The following QTMAN variants were observed in gnomAD, a reference collection of about 807,000 sequenced individuals.
The protein encoded by QTMAN is tRNA-queuosine alpha-mannosyltransferase.
chr2:144,183,337 T>C, the QTMAN span, among the ~76,000 whole-genome samples: 1 of 152,136 alleles, frequency 6.6e-6, no homozygotes, highest in Non-Finnish European at 1.5e-5. Flanking sequence ...TGTCTCCCCA[T>C]CTGTCTATGT....
the QTMAN span, among the ~76,000 whole-genome samples, chr2:143,962,916 G>T: frequency 9.9e-5 from 15 of 152,140 alleles, no homozygotes; most frequent in Admixed American, 9.8e-4. Context: ...CCCCACAAGT[G>T]GGCTAGTCTT....
At chr2:144,237,551 C>T in the QTMAN span, among the ~76,000 whole-genome samples, 1 of 152,126 alleles carries the variant, frequency 6.6e-6, no homozygotes, top group Non-Finnish European at 1.5e-5. Context: ...ACTGTGTACC[C>T]TTAATATAAA....
the QTMAN span, among the ~76,000 whole-genome samples, chr2:144,209,024 A>T: frequency 1.1e-4 from 16 of 152,140 alleles, no homozygotes; most frequent in Admixed American, 7.2e-4. Context: ...TATTTTTCTG[A>T]TTTGTTTTCC....
chr2:144,106,745 A>G, the QTMAN span, among the ~76,000 whole-genome samples: 1 of 152,224 alleles, frequency 6.6e-6, no homozygotes, highest in East Asian at 1.9e-4. Flanking sequence ...TCAGCTCTGC[A>G]CCAAGTGGAC....
chr2:144,296,407 G>A, the QTMAN span, among the ~76,000 whole-genome samples: 1 of 152,080 alleles, frequency 6.6e-6, no homozygotes, highest in South Asian at 2.1e-4. Flanking sequence ...TGTATACAGG[G>A]ACATTTAGTG....
At chr2:144,100,405 A>C in the QTMAN span, among the ~76,000 whole-genome samples, 3 of 152,348 alleles carry the variant, frequency 2.0e-5, no homozygotes, top group Admixed American at 2.0e-4. Flanking sequence ...CCCTGTTCAC[A>C]GTAAATTAAG....
At chr2:144,007,270 T>G in the QTMAN span, 1 of 1,613,308 alleles carries the variant, frequency 6.2e-7, no homozygotes. Flanking sequence ...AGATTTTGTT[T>G]ATTTTCACCA....
At chr2:144,284,931 A>G in the QTMAN span, among the ~76,000 whole-genome samples, 76 of 148,808 alleles carry the variant, frequency 5.1e-4, no homozygotes, top group Admixed American at 1.8e-3. Context: ...TGGGAGGCCA[A>G]ACTTTTTTTT....
At chr2:144,181,463 A>C in the QTMAN span, among the ~76,000 whole-genome samples, 1 of 152,248 alleles carries the variant, frequency 6.6e-6, no homozygotes, top group South Asian at 2.1e-4. Context: ...CATAAAACTA[A>C]GATCACTAAT....
chr2:144,223,603 C>G, the QTMAN span, among the ~76,000 whole-genome samples: 1 of 152,068 alleles, frequency 6.6e-6, no homozygotes, highest in Non-Finnish European at 1.5e-5. Context: ...CACTAAAAGC[C>G]ATATAACAAT....
At chr2:144,224,026 A>G in the QTMAN span, among the ~76,000 whole-genome samples, 6 of 152,340 alleles carry the variant, frequency 3.9e-5, no homozygotes, top group African/African-American at 1.4e-4. Flanking sequence ...AAAATATTCT[A>G]TTTTCACAAA....
At chr2:143,986,087 C>T in the QTMAN span, among the ~76,000 whole-genome samples, 1 of 152,126 alleles carries the variant, frequency 6.6e-6, no homozygotes, top group African/African-American at 2.4e-5. Flanking sequence ...TTTAAGGGGT[C>T]TCCTCTTTAC....
At chr2:144,242,666 T>C in the QTMAN span, among the ~76,000 whole-genome samples, 1 of 152,156 alleles carries the variant, frequency 6.6e-6, no homozygotes, top group African/African-American at 2.4e-5. Flanking sequence ...ATGTTATGCA[T>C]ATAAAATATA....
the QTMAN span, among the ~76,000 whole-genome samples, chr2:144,012,463 C>T: frequency 6.6e-5 from 10 of 152,076 alleles, no homozygotes; most frequent in Non-Finnish European, 1.5e-4. Context: ...CTGCTATAGT[C>T]GAGAGGCTAG....
the QTMAN span, chr2:144,177,073 C>T: frequency 8.6e-5 from 49 of 571,880 alleles, no homozygotes; most frequent in African/African-American, 1.9e-3. Flanking sequence ...AATTCTATCA[C>T]AAGGACAGCA....
chr2:144,232,066 G>A, the QTMAN span, among the ~76,000 whole-genome samples: 3 of 152,036 alleles, frequency 2.0e-5, no homozygotes, highest in East Asian at 5.8e-4. Context: ...AACTTAACAG[G>A]CATCCCACCC....
At chr2:144,318,569 T>C in the QTMAN span, among the ~76,000 whole-genome samples, 1 of 152,228 alleles carries the variant, frequency 6.6e-6, no homozygotes, top group Non-Finnish European at 1.5e-5. Flanking sequence ...GTAAATTAGA[T>C]GTGTGCAACT....
chr2:143,960,055 G>A, the QTMAN span, among the ~76,000 whole-genome samples: 1 of 152,036 alleles, frequency 6.6e-6, no homozygotes, highest in African/African-American at 2.4e-5. Flanking sequence ...TTATAAATAT[G>A]TCTACATTAA....
At chr2:144,292,195 C>G in the QTMAN span, among the ~76,000 whole-genome samples, 3 of 152,316 alleles carry the variant, frequency 2.0e-5, no homozygotes, top group East Asian at 3.9e-4. Context: ...GATCTGCACA[C>G]CCTTACAAGA....
Sources: gnomAD v4.1 joint callset for allele counts (sites outside exome capture counted in the v4.1 genomes callset) on GRCh38, gnomAD v4.1.1 for gene constraint, MANE v1.5 for transcripts, NCBI Gene and HGNC (gene_info 2026-07-23, HGNC 2026-07-21) for gene names.